OR1F1: variants seen among roughly 807,000 people sequenced by gnomAD.
OR1F1 encodes the protein olfactory receptor 1F1.
For synonymous variants in OR1F1, 184 were observed against 156.7 expected, an observed-to-expected ratio of 1.17 and a Z score of -1.30; for missense variants, 493 against 376.3, an observed-to-expected ratio of 1.31 and a Z score of -2.57.
upstream of OR1F1, among the ~76,000 whole-genome samples, chr16:3,202,888 GC>G (rs1958151211): frequency 6.6e-6 from 1 of 152,088 alleles, no homozygotes; most frequent in South Asian, 2.1e-4. Context: ...GAGGTTACTA[GC>G]TTTTCTAAGG....
chr16:3,200,792 C>T (rs1379169676), upstream of OR1F1, among the ~76,000 whole-genome samples: 1 of 152,168 alleles, frequency 6.6e-6, no homozygotes, highest in East Asian at 1.9e-4. Flanking sequence ...ACCACAGTTG[C>T]TGTGTCCCAA....
At chr16:3,191,171 A>G in the OR1F1 span, 1 of 152,172 alleles carries the variant, frequency 6.6e-6, no homozygotes, top group African/African-American at 2.4e-5. Context: ...AGTGGCCTCC[A>G]AAAAGAGGTT....
chr16:3,197,063 A>T, the OR1F1 span, among the ~76,000 whole-genome samples: 1 of 152,012 alleles, frequency 6.6e-6, no homozygotes, highest in South Asian at 2.1e-4. Context: ...TTCAGTAGAG[A>T]CAGAGTTTCA....
chr16:3,192,524 G>C, the OR1F1 span, among the ~76,000 whole-genome samples: 8 of 152,240 alleles, frequency 5.3e-5, no homozygotes, highest in African/African-American at 1.7e-4. Flanking sequence ...GGTCCCGGAA[G>C]CCTCATTGGT....
the OR1F1 span, among the ~76,000 whole-genome samples, chr16:3,192,068 T>A: frequency 8.2e-4 from 125 of 152,270 alleles, 1 homozygote; most frequent in African/African-American, 2.9e-3. Context: ...CCCCTCTTCT[T>A]ATTTTTGAGA....
At chr16:3,206,025 G>A (rs773285693), downstream of OR1F1, among the ~76,000 whole-genome samples, 3 of 152,306 alleles carry the variant, frequency 2.0e-5, no homozygotes, top group East Asian at 5.8e-4. Flanking sequence ...ATAAATGGAC[G>A]TGCAAGTAGG....
the OR1F1 span, among the ~76,000 whole-genome samples, chr16:3,190,749 TAAAA>T: frequency 4.3e-5 from 4 of 92,240 alleles, no homozygotes; most frequent in African/African-American, 1.3e-4. Flanking sequence ...AGACTCTATC[TAAAA>T]AAAAAAAAAA....
the OR1F1 span, among the ~76,000 whole-genome samples, chr16:3,195,633 G>C: frequency 7.4e-6 from 1 of 134,906 alleles, no homozygotes; most frequent in African/African-American, 2.9e-5. Flanking sequence ...AGTGAGCAGA[G>C]ATCACACCAT....
At chr16:3,193,003 C>A in the OR1F1 span, among the ~76,000 whole-genome samples, 2 of 152,208 alleles carry the variant, frequency 1.3e-5, no homozygotes, top group African/African-American at 4.8e-5. Context: ...GTGGAGCGAT[C>A]TCGGCTCACT....
At chr16:3,206,529 T>C (rs1311496344), downstream of OR1F1, among the ~76,000 whole-genome samples, 2 of 152,174 alleles carry the variant, frequency 1.3e-5, no homozygotes, top group African/African-American at 4.8e-5. Flanking sequence ...CAATATGGGA[T>C]GTCACCCCCA....
chr16:3,193,767 T>G, the OR1F1 span, among the ~76,000 whole-genome samples: 1 of 152,184 alleles, frequency 6.6e-6, no homozygotes, highest in African/African-American at 2.4e-5. Flanking sequence ...CCGGCTAATT[T>G]TAAAATTTTT....
chr16:3,188,625 G>A, the OR1F1 span: 2 of 152,240 alleles, frequency 1.3e-5, no homozygotes, highest in Non-Finnish European at 2.9e-5. Context: ...CCCTGGCGGG[G>A]TGGGGGTCTC....
exon 1 of OR1F1, chr16:3,204,982 G>C: frequency 6.2e-7 from 1 of 1,614,058 alleles, no homozygotes; most frequent in Non-Finnish European, 8.5e-7. Context: ...TTCTCACCTG[G>C]CTGTGGTTCT....
chr16:3,198,097 G>A, the OR1F1 span, among the ~76,000 whole-genome samples: 3 of 135,440 alleles, frequency 2.2e-5, no homozygotes, highest in African/African-American at 2.8e-5. Flanking sequence ...GAGAGGGAGA[G>A]GGAGAAGGAG....
the OR1F1 span, among the ~76,000 whole-genome samples, chr16:3,189,123 G>C: frequency 6.6e-6 from 1 of 152,228 alleles, no homozygotes; most frequent in African/African-American, 2.4e-5. Context: ...GGGGAGAAGG[G>C]AGGACCGGAG....
At chr16:3,205,255 T>C (rs990765665), downstream of OR1F1, 1 of 1,085,976 alleles carries the variant, frequency 9.2e-7, no homozygotes, top group Non-Finnish European at 1.3e-6. Context: ...AATGCAGTAG[T>C]TGTTTCATTA....
the OR1F1 span, chr16:3,188,305 C>T: frequency 6.6e-6 from 1 of 152,122 alleles, no homozygotes; most frequent in Admixed American, 6.5e-5. Context: ...CTGAATCGCT[C>T]GCCTTGGTGA....
the OR1F1 span, among the ~76,000 whole-genome samples, chr16:3,189,276 G>A: frequency 6.6e-6 from 1 of 152,202 alleles, no homozygotes; most frequent in African/African-American, 2.4e-5. Flanking sequence ...ATCGAGGCTC[G>A]CAGACCCTCA....
At chr16:3,192,218 GATTA>G in the OR1F1 span, among the ~76,000 whole-genome samples, 2 of 152,280 alleles carry the variant, frequency 1.3e-5, no homozygotes, top group Middle Eastern at 3.4e-3. Context: ...CACCACGCCC[GATTA>G]ATTTTTTGTA....
Sources: gnomAD v4.1 joint callset for allele counts (sites outside exome capture counted in the v4.1 genomes callset) on GRCh38, gnomAD v4.1.1 for gene constraint, MANE v1.5 for transcripts, NCBI Gene and HGNC (gene_info 2026-07-23, HGNC 2026-07-21) for gene names.